Variants in FSTL5 observed in about 807,000 individuals in gnomAD.
The protein encoded by FSTL5 is follistatin-related protein 5.
A neutral mutation model predicts 89.1 loss-of-function variants in FSTL5; 62 were observed. The observed-to-expected ratio is 0.70, with a 90% confidence interval of 0.57 to 0.86. The LOEUF (loss-of-function observed/expected upper bound fraction) is 0.86, where lower values mean the gene tolerates loss of function less well. FSTL5 is among the 40% of genes least tolerant of loss of function. The probability of loss-of-function intolerance (pLI) is 0.00; values close to 1 mark genes in which losing one functional copy is unlikely to be tolerated. For synonymous variants in FSTL5, 383 were observed against 346.2 expected (o/e 1.11, Z -1.18); for missense variants, 1,057 against 1,001.6 (o/e 1.06, Z -0.75).
At chr4:162,093,248 T>C (rs890462637) in intron 2 of FSTL5, among the ~76,000 whole-genome samples, 1 of 152,144 alleles carries the variant, frequency 6.6e-6, no homozygotes, top group African/African-American at 2.4e-5. Flanking sequence ...TTTTTGTGTG[T>C]TTTGCTTTCT....
intron 3 of FSTL5, among the ~76,000 whole-genome samples, chr4:161,988,774 C>G (rs1736032020): frequency 6.6e-6 from 1 of 152,046 alleles, no homozygotes; most frequent in Admixed American, 6.6e-5. Flanking sequence ...TTTAAAGTTA[C>G]AGTACAACTA....
intron 15 of FSTL5, among the ~76,000 whole-genome samples, chr4:161,426,204 C>T (rs192177280): frequency 1.3e-5 from 2 of 152,194 alleles, no homozygotes; most frequent in East Asian, 1.9e-4. Context: ...TCAAATAACA[C>T]TTATTTAACA....
At chr4:161,413,314 G>GA (rs1158268798) in intron 15 of FSTL5, among the ~76,000 whole-genome samples, 3 of 120,022 alleles carry the variant, frequency 2.5e-5, no homozygotes, top group Admixed American at 8.2e-5. Flanking sequence ...AGAAGCATAT[G>GA]AAAAAAAATG....
At chr4:161,593,051 C>G (rs1037436726) in intron 7 of FSTL5, among the ~76,000 whole-genome samples, 1 of 152,028 alleles carries the variant, frequency 6.6e-6, no homozygotes, top group Non-Finnish European at 1.5e-5. Context: ...TGCCCTTTCC[C>G]AATTTTAATT....
At chr4:161,646,685 T>G (rs773794904) in intron 7 of FSTL5, among the ~76,000 whole-genome samples, 6 of 152,152 alleles carry the variant, frequency 3.9e-5, no homozygotes, top group Admixed American at 1.3e-4. Context: ...AATTATAATT[T>G]CAGTTGTTTA....
chr4:161,978,200 T>C (rs1233282992), intron 3 of FSTL5, among the ~76,000 whole-genome samples: 2 of 152,176 alleles, frequency 1.3e-5, no homozygotes, highest in Non-Finnish European at 2.9e-5. Flanking sequence ...TTATGTCCCA[T>C]TTAAGTAAAG....
intron 8 of FSTL5, among the ~76,000 whole-genome samples, chr4:161,573,733 C>CAAAAAAAAAAAAAAAAAAAAAAAGAA (rs1733110980): frequency 2.0e-5 from 1 of 50,622 alleles, no homozygotes; most frequent in Non-Finnish European, 3.4e-5. Flanking sequence ...AACTCCAGCT[C>CAAAAAAAAAAAAAAAAAAAAAAAGAA]AAAAAAAAAA....
At chr4:161,988,049 G>A (rs574044611) in intron 3 of FSTL5, among the ~76,000 whole-genome samples, 1 of 146,978 alleles carries the variant, frequency 6.8e-6, no homozygotes, top group East Asian at 2.0e-4. Context: ...ATAAATGATT[G>A]GACTAAAAAA....
At chr4:161,398,922 A>C (rs1034293966) in intron 15 of FSTL5, among the ~76,000 whole-genome samples, 1 of 152,116 alleles carries the variant, frequency 6.6e-6, no homozygotes, top group African/African-American at 2.4e-5. Flanking sequence ...GCAATTTAAA[A>C]GCCCAGACAT....
At chr4:161,443,000 A>G (rs1464011701) in intron 15 of FSTL5, among the ~76,000 whole-genome samples, 1 of 151,940 alleles carries the variant, frequency 6.6e-6, no homozygotes, top group African/African-American at 2.4e-5. Context: ...TTTTTTCTTA[A>G]TCTGGAGGAA....
intron 4 of FSTL5, among the ~76,000 whole-genome samples, chr4:161,851,188 C>T (rs1413565002): frequency 6.6e-6 from 1 of 152,082 alleles, no homozygotes; most frequent in East Asian, 1.9e-4. Context: ...AATCCTTAGG[C>T]CATGATAATT....
chr4:161,496,095 A>C (rs958375343), intron 12 of FSTL5, among the ~76,000 whole-genome samples: 3 of 152,192 alleles, frequency 2.0e-5, no homozygotes, highest in African/African-American at 7.2e-5. Context: ...ACTAAGGTGG[A>C]GAGAGAATTA....
chr4:162,120,761 C>A (rs1458253031), intron 1 of FSTL5, among the ~76,000 whole-genome samples: 3 of 151,922 alleles, frequency 2.0e-5, no homozygotes, highest in Non-Finnish European at 4.4e-5. Context: ...AATACTACAG[C>A]ATACCTGACT....
chr4:161,969,926 T>C (rs1360207256), intron 3 of FSTL5, among the ~76,000 whole-genome samples: 1 of 152,054 alleles, frequency 6.6e-6, no homozygotes, highest in Non-Finnish European at 1.5e-5. Context: ...AATGCAGTTA[T>C]TTTAGTATTA....
chr4:161,491,677 C>A (rs1288748746), intron 12 of FSTL5, among the ~76,000 whole-genome samples: 1 of 151,956 alleles, frequency 6.6e-6, no homozygotes. Context: ...CCCGTCTCTA[C>A]TAAAAATACA....
chr4:161,537,266 A>C (rs943730020), intron 10 of FSTL5, among the ~76,000 whole-genome samples: 1 of 152,164 alleles, frequency 6.6e-6, no homozygotes, highest in African/African-American at 2.4e-5. Context: ...TAGAGGGTCC[A>C]ATAATGTCAG....
chr4:161,917,757 A>G (rs1206190058), intron 4 of FSTL5, among the ~76,000 whole-genome samples: 1 of 152,164 alleles, frequency 6.6e-6, no homozygotes, highest in Non-Finnish European at 1.5e-5. Context: ...GAAAAGATCC[A>G]CATAAGAAGA....
chr4:161,963,198 A>C (rs1735229674), intron 3 of FSTL5, among the ~76,000 whole-genome samples: 1 of 151,988 alleles, frequency 6.6e-6, no homozygotes. Flanking sequence ...TTTGATTCAA[A>C]ATATCTATGA....
At chr4:161,674,905 C>A (rs901247378) in intron 6 of FSTL5, among the ~76,000 whole-genome samples, 3 of 152,050 alleles carry the variant, frequency 2.0e-5, no homozygotes, top group Non-Finnish European at 2.9e-5. Flanking sequence ...TGCCACACTT[C>A]GGGGGCTCCA....
Sources: gnomAD v4.1 joint callset for allele counts (sites outside exome capture counted in the v4.1 genomes callset) on GRCh38, gnomAD v4.1.1 for gene constraint, MANE v1.5 for transcripts, NCBI Gene and HGNC (gene_info 2026-07-23, HGNC 2026-07-21) for gene names.